The following FAHD1 variants were observed in gnomAD, a reference collection of about 807,000 sequenced individuals.
FAHD1 encodes the protein oxaloacetate tautomerase FAHD1, mitochondrial.
A neutral mutation model predicts 12.7 loss-of-function variants in FAHD1; 14 were observed. The ratio of observed to expected loss-of-function variants is 1.10; its 90% CI spans 0.73 to 1.72. The LOEUF (loss-of-function observed/expected upper bound fraction) is 1.72, where lower values mean the gene tolerates loss of function less well. FAHD1 is among the 40% of genes most tolerant of loss of function. FAHD1 has a pLI of 0.00. For missense variants in FAHD1, 351 were observed against 298.9 expected (o/e 1.17, Z -1.29); for synonymous variants, 153 against 124.9 (o/e 1.22, Z -1.50).
At chr16:1,833,931 AACTC>A (rs1293827460) in intron 1 of FAHD1, 12 of 187,364 alleles carry the variant, frequency 6.4e-5, no homozygotes, top group Admixed American at 1.8e-4. Context: ...AGGATTAAGA[AACTC>A]ACTCAAAGCC....
At chr16:1,834,010 T>G in intron 1 of FAHD1, 1 of 366,196 alleles carries the variant, frequency 2.7e-6, no homozygotes, top group South Asian at 6.4e-5. Flanking sequence ...TGTTTATTAA[T>G]TCATGTAAAC....
chr16:1,829,846 A>G (rs1318265456), downstream of FAHD1, among the ~76,000 whole-genome samples: 1 of 150,894 alleles, frequency 6.6e-6, no homozygotes, highest in Non-Finnish European at 1.5e-5. Flanking sequence ...ATACCATACA[A>G]TTTTCTTTTT....
At chr16:1,828,036 C>A (rs2142062280) in exon 1 of FAHD1, 5 of 1,452,302 alleles carry the variant, frequency 3.4e-6, no homozygotes, top group Middle Eastern at 2.0e-4. Context: ...AATCGCAGCA[C>A]TTTGGGAGGC....
At chr16:1,833,696 G>A (rs1431159414), downstream of FAHD1, among the ~76,000 whole-genome samples, 1 of 151,676 alleles carries the variant, frequency 6.6e-6, no homozygotes, top group Non-Finnish European at 1.5e-5. Context: ...CGAGTAGCTG[G>A]GACAACAGGC....
Position 1,827,301 on chromosome 16 carries a change from G to A in FAHD1, c.63G>A (p.Gly21=), listed in dbSNP as rs1396311115. The A allele has an allele frequency of 3.1e-6, 5 of 1,613,102 alleles. No individual in the cohort carries two copies. The African/African-American group carries it at 6.7e-5, about 22-fold the overall frequency. The stretch of plus-strand genomic sequence containing the variant: ...GGGGAAAGAACATCGTCTGCGTGGG[G>A]AGGAACTACGCGGACCACGTCAGGG... The change falls in exon 1 of 1, where the codon GGG becomes GGA. Residue 21 remains glycine (G), a synonymous_variant. Coordinates refer to ENST00000427358, the Ensembl canonical transcript of FAHD1.
chr16:1,838,060 T>C (rs1898796997), exon 2 of FAHD1: 1 of 1,104,828 alleles, frequency 9.1e-7, no homozygotes, highest in Non-Finnish European at 1.3e-6. Context: ...GCAGCAGTGC[T>C]ATCACAGCTC....
chr16:1,831,788 G>T (rs997520005), downstream of FAHD1, among the ~76,000 whole-genome samples: 1 of 152,138 alleles, frequency 6.6e-6, no homozygotes, highest in South Asian at 2.1e-4. Context: ...ATTCTCACAG[G>T]AGCGTGAACC....
At chr16:1,832,883 T>G (rs1422410357), downstream of FAHD1, among the ~76,000 whole-genome samples, 1 of 152,216 alleles carries the variant, frequency 6.6e-6, no homozygotes, top group Non-Finnish European at 1.5e-5. Context: ...GTTCATTACC[T>G]TATCACCACA....
chr16:1,833,161 T>C (rs927558580), downstream of FAHD1, among the ~76,000 whole-genome samples: 1 of 152,190 alleles, frequency 6.6e-6, no homozygotes, highest in African/African-American at 2.4e-5. Flanking sequence ...CAAGTGACTC[T>C]CAATGGTGTG....
chr16:1,827,609 C>T (rs773125108), exon 1 of FAHD1: 4 of 1,613,888 alleles, frequency 2.5e-6, no homozygotes, highest in Non-Finnish European at 3.4e-6. Flanking sequence ...AGCTTCACGG[C>T]GTCCTGCCCG....
chr16:1,830,513 A>C (rs1898600367), downstream of FAHD1, among the ~76,000 whole-genome samples: 1 of 152,228 alleles, frequency 6.6e-6, no homozygotes, highest in Non-Finnish European at 1.5e-5. Context: ...GCTCACATGC[A>C]GCCCTAGTAG....
downstream of FAHD1, chr16:1,829,026 T>A: frequency 1.7e-6 from 1 of 583,318 alleles, no homozygotes; most frequent in Non-Finnish European, 2.2e-6. Flanking sequence ...TGTGCTGTGT[T>A]AACACAGTTA....
chr16:1,827,645 A>G (rs1406464520), exon 1 of FAHD1: 1 of 1,613,976 alleles, frequency 6.2e-7, no homozygotes, highest in African/African-American at 1.3e-5. Flanking sequence ...CCCAAGGAGA[A>G]GATCCCTGAC....
At chr16:1,831,669 C>T (rs568626738), downstream of FAHD1, among the ~76,000 whole-genome samples, 2 of 152,278 alleles carry the variant, frequency 1.3e-5, no homozygotes, top group South Asian at 4.1e-4. Flanking sequence ...ACCTCCAGGC[C>T]ACTGACTGCT....
downstream of FAHD1, among the ~76,000 whole-genome samples, chr16:1,829,212 C>T (rs1164171479): frequency 6.6e-6 from 1 of 152,180 alleles, no homozygotes; most frequent in African/African-American, 2.4e-5. Flanking sequence ...GGTTCCTGTT[C>T]GCGTTCACAT....
At chr16:1,834,369 G>A (rs1270220442) in intron 1 of FAHD1, 16 of 1,514,410 alleles carry the variant, frequency 1.1e-5, no homozygotes, top group African/African-American at 1.4e-5. Context: ...AGAACGAACT[G>A]CGAGGAGAAA....
At chr16:1,839,486 A>C in exon 3 of FAHD1, 1 of 1,495,648 alleles carries the variant, frequency 6.7e-7, no homozygotes, top group Non-Finnish European at 9.1e-7. Flanking sequence ...CTAAGCTACA[A>C]ATTTCATCTG....
chr16:1,827,572 A>G lies in FAHD1; in HGVS notation c.334A>G (p.Lys112Glu), dbSNP rs749352792. 2 of 1,613,508 alleles carry G rather than the reference A, an allele frequency of 1.2e-6. No individual in the cohort carries two copies. The highest frequency in any genetic ancestry group is 1.7e-6 in the Non-Finnish European group (2 of 1,179,988). Reference sequence around the variant, plus strand: ...GGACGTGCAGGACGAGTGCAAGAAGAAGGGGCTGCCCTGGACTCTGGCGAA... The same window carrying G: ...GGACGTGCAGGACGAGTGCAAGAAGGAGGGGCTGCCCTGGACTCTGGCGAA... Residue 112 changes from lysine (K) to glutamate (E), a missense_variant, in exon 1 of 1, where the codon AAG becomes GAG. Coordinates refer to ENST00000427358, the Ensembl canonical transcript of FAHD1.
intron 1 of FAHD1, among the ~76,000 whole-genome samples, chr16:1,835,382 A>G (rs937164557): frequency 2.2e-4 from 33 of 152,206 alleles, no homozygotes; most frequent in African/African-American, 7.2e-4. Flanking sequence ...ATATGATGAC[A>G]TAATTTAATA....
Sources: gnomAD v4.1 joint callset for allele counts (sites outside exome capture counted in the v4.1 genomes callset) on GRCh38, gnomAD v4.1.1 for gene constraint, MANE v1.5 for transcripts, NCBI Gene and HGNC (gene_info 2026-07-23, HGNC 2026-07-21) for gene names.